ZFHX3: variants seen among roughly 807,000 people sequenced by gnomAD.
The protein encoded by ZFHX3 is zinc finger homeobox protein 3.
A neutral mutation model predicts 279.1 loss-of-function variants in ZFHX3; 42 were observed. The observed-to-expected ratio is 0.15, with a 90% CI of 0.12 to 0.19. ZFHX3 has a LOEUF of 0.19. Among genes scored for constraint, ZFHX3 ranks in the 10% least tolerant of loss-of-function variants. The pLI is 1.00. For missense variants in ZFHX3, 4,981 were observed against 4,754.0 expected (o/e 1.05, Z -1.40); for synonymous variants, 2,293 against 1,957.8 (o/e 1.17, Z -4.52).
intron 6 of ZFHX3, among the ~76,000 whole-genome samples, chr16:73,138,684 T>C (rs947318990): frequency 1.4e-5 from 2 of 146,560 alleles, no homozygotes; most frequent in African/African-American, 5.5e-5. Context: ...TACTTCTTTT[T>C]TTGAGATAGG....
chr16:73,026,370 C>G (rs929143452), intron 1 of ZFHX3, among the ~76,000 whole-genome samples: 1 of 150,206 alleles, frequency 6.7e-6, no homozygotes, highest in African/African-American at 2.5e-5. Context: ...AAGACTCTGT[C>G]TCAAAAACAA....
At chr16:73,272,326 A>G (rs1264276117) in intron 4 of ZFHX3, among the ~76,000 whole-genome samples, 1 of 152,146 alleles carries the variant, frequency 6.6e-6, no homozygotes, top group South Asian at 2.1e-4. Flanking sequence ...TTCTGGTAAA[A>G]TGTTATTGGT....
At chr16:73,477,008 C>T (rs990654979) in intron 2 of ZFHX3, among the ~76,000 whole-genome samples, 1 of 152,220 alleles carries the variant, frequency 6.6e-6, no homozygotes, top group East Asian at 1.9e-4. Context: ...GTCTCAAATG[C>T]CAATACATTA....
intron 1 of ZFHX3, among the ~76,000 whole-genome samples, chr16:73,780,234 G>A (rs867837859): frequency 3.0e-5 from 4 of 133,328 alleles, no homozygotes; most frequent in South Asian, 2.6e-4. Flanking sequence ...TGCAACCTCC[G>A]CCTCCTGGGT....
At chr16:72,997,595 A>G (rs76120288) in intron 1 of ZFHX3, among the ~76,000 whole-genome samples, 2,708 of 152,232 alleles carry the variant, frequency 0.018, 29 homozygotes, top group Middle Eastern at 0.054. Context: ...GCAAATACAG[A>G]TCATCTCCCC....
At chr16:73,293,394 T>C (rs2014823888) in intron 4 of ZFHX3, among the ~76,000 whole-genome samples, 1 of 152,342 alleles carries the variant, frequency 6.6e-6, no homozygotes, top group African/African-American at 2.4e-5. Context: ...GGAGTTTCCA[T>C]TGAAATTTCT....
chr16:73,012,757 C>T (rs1384119030), intron 1 of ZFHX3, among the ~76,000 whole-genome samples: 1 of 152,182 alleles, frequency 6.6e-6, no homozygotes, highest in Non-Finnish European at 1.5e-5. Flanking sequence ...TACCCAACAA[C>T]CTATACTTGT....
chr16:73,817,408 C>G (rs1190641177), intron 1 of ZFHX3, among the ~76,000 whole-genome samples: 8 of 152,314 alleles, frequency 5.3e-5, no homozygotes. Flanking sequence ...CATCACTAAT[C>G]CTGCAAACCT....
chr16:72,877,158 T>G (rs978573978), intron 4 of ZFHX3, among the ~76,000 whole-genome samples: 1 of 152,140 alleles, frequency 6.6e-6, no homozygotes, highest in African/African-American at 2.4e-5. Context: ...TGAGGAAGTC[T>G]TCAGATCCGC....
intron 3 of ZFHX3, among the ~76,000 whole-genome samples, chr16:73,371,348 T>C (rs1029464595): frequency 6.6e-6 from 1 of 151,948 alleles, no homozygotes; most frequent in Non-Finnish European, 1.5e-5. Flanking sequence ...ATGTTGCATA[T>C]GCAAAGGTTC....
At chr16:73,221,359 T>C (rs1023965632) in intron 5 of ZFHX3, among the ~76,000 whole-genome samples, 3 of 152,180 alleles carry the variant, frequency 2.0e-5, no homozygotes, top group Non-Finnish European at 2.9e-5. Flanking sequence ...TATAAAGATA[T>C]ATTTTATTGT....
intron 1 of ZFHX3, among the ~76,000 whole-genome samples, chr16:73,756,376 G>A (rs943956433): frequency 1.3e-5 from 2 of 152,236 alleles, no homozygotes; most frequent in South Asian, 2.1e-4. Context: ...TGACTGACAC[G>A]GGCTAGAATG....
intron 5 of ZFHX3, among the ~76,000 whole-genome samples, chr16:72,825,488 G>A (rs2036908235): frequency 6.6e-6 from 1 of 152,216 alleles, no homozygotes; most frequent in Admixed American, 6.5e-5. Flanking sequence ...GAACCTGTCT[G>A]TATACCTTTT....
At position 72,958,773 on chromosome 16, in the gene ZFHX3, G is replaced by A. The variant is rs1474036205; in HGVS notation, c.1373C>T (p.Pro458Leu). ...DGDCFSEKVEPAEEEAEEEEE... is the reference protein window; with the variant it reads ...DGDCFSEKVELAEEEAEEEEE... ...TTCCTCCTCCGCCTCCTCTTCGGCT[G>A]GCTCTACCTTCTCAGAGAAGCAATC... The change falls in exon 2 of 10, where the codon CCA becomes CTA. Residue 458 changes from proline to leucine, a missense_variant. Pro to Leu is a moderately conservative substitution (Grantham distance 98, BLOSUM62 -3). Coordinates refer to ENST00000268489, the MANE Select transcript of ZFHX3 (RefSeq NM_006885.4). 33 of 1,613,834 alleles carry A rather than the reference G, an allele frequency of 2.0e-5. No individual in the cohort carries two copies. Among genetic ancestry groups the A allele is most frequent in the Non-Finnish European group, 2.8e-5 (33 of 1,179,984 alleles).
chr16:73,874,118 T>A (rs905403215), intron 1 of ZFHX3, among the ~76,000 whole-genome samples: 2 of 152,208 alleles, frequency 1.3e-5, no homozygotes, highest in African/African-American at 4.8e-5. Flanking sequence ...TATAGGCACA[T>A]ATGTAATCTA....
intron 5 of ZFHX3, among the ~76,000 whole-genome samples, chr16:73,253,691 G>C (rs138820144): frequency 6.6e-6 from 1 of 151,836 alleles, no homozygotes; most frequent in Admixed American, 6.6e-5. Flanking sequence ...TCCTGACCTC[G>C]TGACCCACCC....
intron 1 of ZFHX3, among the ~76,000 whole-genome samples, chr16:73,839,328 A>AAAAAG (rs1961234999): frequency 2.0e-5 from 1 of 49,624 alleles, no homozygotes; most frequent in African/African-American, 1.1e-4. Flanking sequence ...CTCCATCTCA[A>AAAAAG]AAAAAAAAAA....
chr16:73,749,723 A>G (rs1472350339), intron 1 of ZFHX3, among the ~76,000 whole-genome samples: 1 of 152,152 alleles, frequency 6.6e-6, no homozygotes, highest in South Asian at 2.1e-4. Flanking sequence ...TGCATCACAA[A>G]CTGCAATGTT....
At chr16:73,807,620 A>ATTTTTTTTTTTTTTTTTTTT (rs55806545) in intron 1 of ZFHX3, among the ~76,000 whole-genome samples, 5 of 70,548 alleles carry the variant, frequency 7.1e-5, no homozygotes, top group African/African-American at 2.7e-4. Flanking sequence ...CCATGCCCCA[A>ATTTTTTTTTTTTTTTTTTTT]TTTTTTTTTT....
Sources: allele counts gnomAD v4.1 joint callset (sites outside exome capture counted in the v4.1 genomes callset), GRCh38; gene constraint gnomAD v4.1.1; transcripts MANE v1.5; gene names NCBI Gene and HGNC (gene_info 2026-07-23, HGNC 2026-07-21).